COL5A2: variants seen among roughly 807,000 people sequenced by gnomAD.
The protein encoded by COL5A2 is collagen type V alpha 2 chain, also known as collagen alpha-2(V) chain.
In COL5A2, 23 loss-of-function variants were observed where a neutral mutation model predicts 208.2. That is an observed-to-expected ratio of 0.11 (90% CI 0.08 to 0.16). The LOEUF is 0.16. COL5A2 is among the 10% of genes least tolerant of loss of function. The pLI, the probability that COL5A2 is intolerant of heterozygous loss-of-function variation, is 1.00. For missense variants in COL5A2, 1,590 were observed against 1,956.4 expected (o/e 0.81, Z 3.53); for synonymous variants, 625 against 628.5 (o/e 0.99, Z 0.08).
the COL5A2 span, among the ~76,000 whole-genome samples, chr2:189,345,259 T>C: frequency 6.6e-6 from 1 of 152,186 alleles, no homozygotes; most frequent in Non-Finnish European, 1.5e-5. Context: ...TATGGAACAA[T>C]TGGGCCAGTT....
At chr2:189,342,197 CTT>C in the COL5A2 span, among the ~76,000 whole-genome samples, 13 of 135,494 alleles carry the variant, frequency 9.6e-5, no homozygotes, top group Admixed American at 1.5e-4. Flanking sequence ...CTAGTGTGCT[CTT>C]TTTTTTTTTT....
At chr2:189,161,196 C>A (rs1176105720) in intron 1 of COL5A2, among the ~76,000 whole-genome samples, 5 of 151,398 alleles carry the variant, frequency 3.3e-5, no homozygotes, top group African/African-American at 1.2e-4. Context: ...TACATCTATC[C>A]TTTATGTTTT....
At position 189,052,891 on chromosome 2, in the gene COL5A2, C is replaced by A. The variant is rs79623676; in HGVS notation, c.2661+20G>T. Reference sequence around the variant, plus strand: ...CATGGGGCACTTGACTCAAGTTATGCCTTTTTCTTGTTAACTTACATGAGG... The same window carrying A: ...CATGGGGCACTTGACTCAAGTTATGACTTTTTCTTGTTAACTTACATGAGG... On this transcript the variant is annotated intron_variant, in intron 39 of 53. Transcript: ENST00000374866. The A allele has an allele frequency of 3.8e-5, 61 of 1,612,434 alleles. No homozygotes were observed. In the South Asian group the frequency reaches 6.2e-4, roughly 16 times the overall value.
intron 42 of COL5A2, among the ~76,000 whole-genome samples, chr2:189,051,025 G>T (rs1407566311): frequency 6.6e-6 from 1 of 151,830 alleles, no homozygotes; most frequent in African/African-American, 2.4e-5. Context: ...AATATTTAAA[G>T]GCATTTGCAT....
chr2:189,191,442 A>ACCAG lies in COL5A2; in HGVS notation c.-42+33702_-42+33705dup, dbSNP rs370990774. Among the ~76,000 whole-genome samples, 60 of 152,178 alleles carry ACCAG rather than the reference A, an allele frequency of 3.9e-4. 1 individual carries two copies. The highest frequency in any genetic ancestry group is 1.2e-3 in the African/African-American group (49 of 41,514). On this transcript the variant is annotated intron_variant, in intron 1 of 10. Transcript: ENST00000649966. The stretch of plus-strand genomic sequence containing the variant: ...GATCACCTGAGGTCAGGAGTTCGCG[A>ACCAG]CCAGCCTGGCCAACATGTTGAAACC...
At chr2:189,337,482 G>A in the COL5A2 span, among the ~76,000 whole-genome samples, 2 of 151,990 alleles carry the variant, frequency 1.3e-5, no homozygotes, top group African/African-American at 2.4e-5. Context: ...GCGCCCGGCC[G>A]ACATCATTTT....
intron 45 of COL5A2, among the ~76,000 whole-genome samples, chr2:189,046,461 T>C (rs1417201187): frequency 1.3e-5 from 2 of 152,198 alleles, no homozygotes; most frequent in African/African-American, 2.4e-5. Flanking sequence ...AAGGAATAAA[T>C]ACCTCTAGGC....
At chr2:189,177,244 A>T (rs1688693982) in intron 1 of COL5A2, among the ~76,000 whole-genome samples, 1 of 152,200 alleles carries the variant, frequency 6.6e-6, no homozygotes, top group Non-Finnish European at 1.5e-5. Flanking sequence ...CTTGCTTTTC[A>T]TGTGTGCCTC....
chr2:189,105,431 T>C (rs1576530296), intron 2 of COL5A2, among the ~76,000 whole-genome samples: 1 of 151,618 alleles, frequency 6.6e-6, no homozygotes, highest in East Asian at 1.9e-4. Context: ...CTCAGTATAG[T>C]TTTCATTCAC....
chr2:189,394,182 T>C, the COL5A2 span, among the ~76,000 whole-genome samples: 1 of 152,216 alleles, frequency 6.6e-6, no homozygotes. Flanking sequence ...ATAATGTTGA[T>C]TTTAACCTAA....
chr2:189,050,751 G>T, intron 42 of COL5A2, 75 bp from the exon 43 acceptor site: 2 of 1,278,870 alleles, frequency 1.6e-6, no homozygotes, highest in Non-Finnish European at 2.2e-6. Context: ...AATAAGTTGG[G>T]TACAGCTTTA....
chr2:189,098,658 A>T, intron 5 of COL5A2, 69 bp downstream of exon 5: 1 of 1,160,120 alleles, frequency 8.6e-7, no homozygotes, highest in Non-Finnish European at 1.3e-6. Flanking sequence ...CATGGATATA[A>T]TATCTGTAAA....
intron 17 of COL5A2, among the ~76,000 whole-genome samples, chr2:189,075,013 A>G (rs1686373174): frequency 6.6e-6 from 1 of 152,188 alleles, no homozygotes; most frequent in Admixed American, 6.6e-5. Context: ...CCTTCATGAT[A>G]TAGCTCTCGC....
intron 1 of COL5A2, among the ~76,000 whole-genome samples, chr2:189,170,702 A>G (rs1182188476): frequency 6.6e-6 from 1 of 152,142 alleles, no homozygotes; most frequent in Non-Finnish European, 1.5e-5. Flanking sequence ...GGAGGAGAAC[A>G]TGAGCAGTCT....
rs1685517407 is a variant in COL5A2, at chr2:189,039,644, T to A, written c.3634-81A>T. On this transcript the variant is annotated intron_variant, in intron 50 of 53. Coordinates refer to ENST00000374866, the MANE Select transcript of COL5A2 (RefSeq NM_000393.5). ...TGGTAGAACTTGGTTCATAGGGAGT[T>A]CCAATGAGACACTCCAATTTGACAG... 8 of 1,367,166 alleles carry A rather than the reference T, an allele frequency of 5.9e-6. No homozygotes were observed. The South Asian group carries it at 1.0e-4, about 18-fold the overall frequency. 84.7% of individuals were successfully genotyped at this position (1,367,166 alleles called of 1,614,324 possible).
chr2:189,035,296 T>A, intron 52 of COL5A2, 141 bp from the exon 53 acceptor site: 1 of 1,108,002 alleles, frequency 9.0e-7, no homozygotes, highest in Non-Finnish European at 1.3e-6. Flanking sequence ...TAAAGTAAGC[T>A]ATTCTAGCTG....
chr2:189,257,634 T>C, the COL5A2 span, among the ~76,000 whole-genome samples: 1 of 152,164 alleles, frequency 6.6e-6, no homozygotes, highest in Non-Finnish European at 1.5e-5. Flanking sequence ...ATGTGTGATA[T>C]GCAGGGAAAT....
rs201685386 is a variant in COL5A2, at chr2:189,205,609, G to GA, written c.-42+19538dup. Among the ~76,000 whole-genome samples, 1,119 of 152,220 alleles carry GA rather than the reference G, an allele frequency of 7.4e-3. 5 individuals are homozygous for GA. The highest frequency in any genetic ancestry group is 0.012 in the Non-Finnish European group (794 of 68,008). Reference sequence around the variant, plus strand: ...CTATGAACCACTCTTCCCTTGAATGGAAAATGGAAGCAATGTTCCCTAAAT... The same window carrying GA: ...CTATGAACCACTCTTCCCTTGAATGGAAAAATGGAAGCAATGTTCCCTAAAT... On this transcript the variant is annotated intron_variant, in intron 1 of 10. Transcript: ENST00000649966.
rs181985203 is a variant in COL5A2, at chr2:189,118,439, G to A, written c.98-7990C>T. Among the ~76,000 whole-genome samples, 565 of 152,096 alleles carry A rather than the reference G, an allele frequency of 3.7e-3. 2 individuals are homozygous for A. Among genetic ancestry groups the A allele is most frequent in the Non-Finnish European group, 4.4e-3 (298 of 67,922 alleles). On this transcript the variant is annotated intron_variant, in intron 1 of 53. Transcript: ENST00000374866. ...TTTTTCAATTTTCCCTGATACAGAA[G>A]AATATTTAGGGCCTCTAGAGAAAAT...
Sources: gnomAD v4.1 joint callset for allele counts (sites outside exome capture counted in the v4.1 genomes callset) on GRCh38, gnomAD v4.1.1 for gene constraint, MANE v1.5 for transcripts, NCBI Gene and HGNC (gene_info 2026-07-23, HGNC 2026-07-21) for gene names.